ZBTB20: variants seen among roughly 807,000 people sequenced by gnomAD.
The protein encoded by ZBTB20 is zinc finger and BTB domain-containing protein 20.
A neutral mutation model predicts 56.9 loss-of-function variants in ZBTB20; 9 were observed. The ratio of observed to expected loss-of-function variants is 0.16; its 90% CI spans 0.10 to 0.28. The LOEUF is 0.28. Among genes scored for constraint, ZBTB20 ranks in the 10% least tolerant of loss-of-function variants. The pLI is 1.00. For synonymous variants in ZBTB20, 417 were observed against 420.7 expected, an observed-to-expected ratio of 0.99 and a Z score of 0.11; for missense variants, 655 against 1,003.0, an observed-to-expected ratio of 0.65 and a Z score of 4.69.
chr3:115,117,815 G>T (rs1008110344), intron 1 of ZBTB20, among the ~76,000 whole-genome samples: 1 of 151,906 alleles, frequency 6.6e-6, no homozygotes, highest in African/African-American at 2.4e-5. Context: ...AGTAAAAGGA[G>T]GAATAATAAA....
chr3:115,035,061 T>C (rs1253624814), intron 2 of ZBTB20, among the ~76,000 whole-genome samples: 1 of 151,940 alleles, frequency 6.6e-6, no homozygotes, highest in East Asian at 1.9e-4. Flanking sequence ...ATAAAATTAA[T>C]TCAAAATAGA....
intron 2 of ZBTB20, among the ~76,000 whole-genome samples, chr3:115,039,450 A>G (rs1051435368): frequency 1.3e-5 from 2 of 152,062 alleles, no homozygotes; most frequent in Non-Finnish European, 2.9e-5. Context: ...TTTCAACTCA[A>G]AGTAAATAAG....
At chr3:114,432,752 G>A (rs771903971) in intron 7 of ZBTB20, among the ~76,000 whole-genome samples, 2 of 152,176 alleles carry the variant, frequency 1.3e-5, no homozygotes, top group Non-Finnish European at 2.9e-5. Context: ...CACTTCCTGT[G>A]ACCTAACACC....
intron 5 of ZBTB20, among the ~76,000 whole-genome samples, chr3:114,783,121 G>C (rs2108779554): frequency 6.6e-6 from 1 of 152,238 alleles, no homozygotes; most frequent in Non-Finnish European, 1.5e-5. Context: ...TAAAGTCTCT[G>C]CATAAGAAGT....
At chr3:114,349,559 A>C (rs1576275452) in intron 11 of ZBTB20, among the ~76,000 whole-genome samples, 1 of 152,334 alleles carries the variant, frequency 6.6e-6, no homozygotes. Flanking sequence ...AAGGCAGTCT[A>C]TCTGATATTA....
chr3:114,940,239 A>AT (rs2076681271), intron 3 of ZBTB20, among the ~76,000 whole-genome samples: 1 of 146,506 alleles, frequency 6.8e-6, no homozygotes, highest in South Asian at 2.1e-4. Context: ...ATTTAAGCCC[A>AT]TATGTCCCAT....
At chr3:114,826,992 T>G (rs2073562509) in intron 4 of ZBTB20, among the ~76,000 whole-genome samples, 1 of 151,840 alleles carries the variant, frequency 6.6e-6, no homozygotes, top group East Asian at 1.9e-4. Context: ...ACTTAACATT[T>G]AGGTGCGTAA....
intron 4 of ZBTB20, among the ~76,000 whole-genome samples, chr3:114,860,799 T>G (rs956435936): frequency 6.6e-6 from 1 of 152,248 alleles, no homozygotes; most frequent in Non-Finnish European, 1.5e-5. Context: ...TCAGGTTTTA[T>G]CAGAATAGAC....
At chr3:114,835,526 G>T (rs2074075067) in intron 4 of ZBTB20, among the ~76,000 whole-genome samples, 1 of 152,076 alleles carries the variant, frequency 6.6e-6, no homozygotes, top group African/African-American at 2.4e-5. Flanking sequence ...AAATCTGATG[G>T]AACAATACAA....
intron 7 of ZBTB20, among the ~76,000 whole-genome samples, chr3:114,416,648 T>C (rs2088592534): frequency 6.6e-6 from 1 of 152,022 alleles, no homozygotes; most frequent in African/African-American, 2.4e-5. Flanking sequence ...AGGTAAACAC[T>C]AGCTTTATTT....
chr3:114,609,932 A>T (rs886161478), intron 6 of ZBTB20, among the ~76,000 whole-genome samples: 20 of 152,176 alleles, frequency 1.3e-4, no homozygotes, highest in African/African-American at 4.3e-4. Flanking sequence ...AGCAGTCAAC[A>T]TTTGCAAGGT....
intron 6 of ZBTB20, among the ~76,000 whole-genome samples, chr3:114,557,295 G>A (rs1399349903): frequency 1.3e-5 from 2 of 151,838 alleles, no homozygotes; most frequent in Non-Finnish European, 2.9e-5. Context: ...GAAAGGGAGG[G>A]GAAGTGTTTA....
chr3:114,495,375 T>C (rs2043171072), intron 7 of ZBTB20, among the ~76,000 whole-genome samples: 1 of 152,096 alleles, frequency 6.6e-6, no homozygotes, highest in Non-Finnish European at 1.5e-5. Flanking sequence ...GAAGAGGTTG[T>C]CGCAGTGCAG....
intron 5 of ZBTB20, among the ~76,000 whole-genome samples, chr3:114,775,752 C>A (rs1214659182): frequency 1.3e-5 from 2 of 152,084 alleles, no homozygotes; most frequent in Admixed American, 6.6e-5. Context: ...GTACAGTTTT[C>A]CTGAATGGAG....
At chr3:114,344,328 G>A (rs568872200) in intron 11 of ZBTB20, among the ~76,000 whole-genome samples, 34 of 152,274 alleles carry the variant, frequency 2.2e-4, no homozygotes, top group African/African-American at 7.7e-4. Context: ...CCAGAAAATA[G>A]CATCTCCAAG....
At chr3:114,608,059 C>T (rs1016785130) in intron 6 of ZBTB20, among the ~76,000 whole-genome samples, 1 of 152,040 alleles carries the variant, frequency 6.6e-6, no homozygotes, top group African/African-American at 2.4e-5. Context: ...TATTTTTAAT[C>T]TAGGAACTTT....
chr3:114,698,507 A>G (rs2063196103), intron 5 of ZBTB20, among the ~76,000 whole-genome samples: 2 of 152,080 alleles, frequency 1.3e-5, no homozygotes, highest in South Asian at 2.1e-4. Flanking sequence ...TGGACCAGAA[A>G]GAAAGGGTGA....
At chr3:114,926,540 G>A in intron 3 of ZBTB20, among the ~76,000 whole-genome samples, 1 of 151,948 alleles carries the variant, frequency 6.6e-6, no homozygotes, top group Non-Finnish European at 1.5e-5. Flanking sequence ...AAAGTACCAA[G>A]AGATACAAAT....
intron 2 of ZBTB20, among the ~76,000 whole-genome samples, chr3:115,002,077 T>C (rs2079274520): frequency 6.6e-6 from 1 of 151,438 alleles, no homozygotes; most frequent in African/African-American, 2.4e-5. Flanking sequence ...GGCCAGAAAT[T>C]GACCCACATA....
Sources: allele counts gnomAD v4.1 joint callset (sites outside exome capture counted in the v4.1 genomes callset), GRCh38; gene constraint gnomAD v4.1.1; transcripts MANE v1.5; gene names NCBI Gene and HGNC (gene_info 2026-07-23, HGNC 2026-07-21).